Variants in MAPRE3 observed in about 807,000 individuals in gnomAD.
MAPRE3 encodes microtubule-associated protein RP/EB family member 3.
MAPRE3 carries 2 observed loss-of-function variants against 30.5 expected under a neutral mutation model. The observed-to-expected ratio is 0.07, with a 90% confidence interval of 0.03 to 0.21. The LOEUF is 0.21. Among genes scored for constraint, MAPRE3 ranks in the 10% least tolerant of loss-of-function variants. The pLI, the probability that MAPRE3 is intolerant of heterozygous loss-of-function variation, is 1.00. For synonymous variants in MAPRE3, 110 were observed against 127.7 expected (o/e 0.86, Z 0.93); for missense variants, 204 against 351.8 (o/e 0.58, Z 3.36).
intron 1 of MAPRE3, among the ~76,000 whole-genome samples, chr2:27,007,609 A>C (rs769313439): frequency 6.6e-6 from 1 of 152,216 alleles, no homozygotes; most frequent in Non-Finnish European, 1.5e-5. Context: ...GGTCATCCAC[A>C]TGTCAAACAA....
intron 1 of MAPRE3, among the ~76,000 whole-genome samples, chr2:26,979,047 G>A (rs1666066611): frequency 1.3e-5 from 2 of 152,234 alleles, no homozygotes; most frequent in Non-Finnish European, 2.9e-5. Flanking sequence ...TCAGCTATGG[G>A]AAAGGGTGCT....
intron 6 of MAPRE3, 51 bp from the exon 7 acceptor site, chr2:27,026,229 C>CCCTGCCTGG (rs750503336): frequency 1.2e-5 from 19 of 1,550,074 alleles, no homozygotes; most frequent in East Asian, 1.1e-4. Flanking sequence ...ACCTGAGAAG[C>CCCTGCCTGG]CCTGCCTGGC....
At chr2:26,994,822 TTC>T (rs1553327837) in intron 1 of MAPRE3, among the ~76,000 whole-genome samples, 57,186 of 118,470 alleles carry the variant, frequency 0.48, 14,226 homozygotes, top group East Asian at 0.67. Context: ...CTTCTTCTTC[TTC>T]TTTTTTTTTT....
At chr2:27,010,519 T>C (rs892729103) in intron 1 of MAPRE3, among the ~76,000 whole-genome samples, 1 of 147,332 alleles carries the variant, frequency 6.8e-6, no homozygotes, top group African/African-American at 2.5e-5. Context: ...ATTGGCTCAC[T>C]GCAACCTCCA....
intron 1 of MAPRE3, among the ~76,000 whole-genome samples, chr2:27,019,695 T>G (rs1249073825): frequency 6.6e-6 from 1 of 152,222 alleles, no homozygotes; most frequent in Non-Finnish European, 1.5e-5. Context: ...AATAATTCAT[T>G]TCTGTTTCTC....
chr2:27,020,104 C>T (rs1667080096), intron 1 of MAPRE3, among the ~76,000 whole-genome samples: 2 of 152,152 alleles, frequency 1.3e-5, no homozygotes, highest in Non-Finnish European at 2.9e-5. Flanking sequence ...AACCATGGAA[C>T]AGAGAATGAA....
At chr2:27,023,293 G>C (rs183248102) in intron 2 of MAPRE3, 39 bp from the exon 3 acceptor site, 3 of 1,573,298 alleles carry the variant, frequency 1.9e-6, no homozygotes, top group African/African-American at 2.7e-5. Flanking sequence ...CACAGAAGGA[G>C]AGCAGCAAGA....
chr2:26,997,670 GAATCCCTGGTAGAAAGGATAGTTTGGT>G (rs943873818), intron 1 of MAPRE3, among the ~76,000 whole-genome samples: 5 of 152,186 alleles, frequency 3.3e-5, no homozygotes, highest in African/African-American at 4.8e-5. Context: ...TGGGGGTTGG[GAATCCCTGGTAGAAAGGATAGTTTGGT>G]AATCCCTGGT....
At chr2:26,970,891 C>A (rs1432446884) in intron 1 of MAPRE3, 89 bp downstream of exon 1, 1 of 151,430 alleles carries the variant, frequency 6.6e-6, no homozygotes, top group Admixed American at 6.6e-5. Context: ...GGGCTCCCCC[C>A]GCCCCTGCCT....
At position 26,971,275 on chromosome 2, in the gene MAPRE3, C is replaced by A. The variant is rs1572737015; in HGVS notation, c.-8+473C>A. On this transcript the variant is annotated intron_variant, in intron 1 of 6. Coordinates refer to ENST00000233121, the MANE Select transcript of MAPRE3 (RefSeq NM_012326.4). ...GACTTGGGGGAGGGGGAACATCGGG[C>A]CAGGCCCAGCCTGGGGGCCTCGGGT... Among the ~76,000 whole-genome samples, 3 of 152,362 alleles carry A rather than the reference C, an allele frequency of 2.0e-5. No individual in the cohort carries two copies. The East Asian group carries it at 5.8e-4, about 29-fold the overall frequency.
chr2:26,989,658 A>C (rs920433), intron 1 of MAPRE3, among the ~76,000 whole-genome samples: 87,883 of 151,958 alleles, frequency 0.58, 25,843 homozygotes, highest in East Asian at 0.76. Flanking sequence ...AAAACTAAAA[A>C]TGAGATGGCT....
intron 1 of MAPRE3, among the ~76,000 whole-genome samples, chr2:27,017,094 A>T (rs905219907): frequency 1.3e-5 from 2 of 152,274 alleles, no homozygotes; most frequent in East Asian, 3.9e-4. Context: ...ACGAGAGGAA[A>T]ATTAAAAGGG....
chr2:27,010,650 C>A (rs951981813), intron 1 of MAPRE3, among the ~76,000 whole-genome samples: 1 of 152,022 alleles, frequency 6.6e-6, no homozygotes, highest in Non-Finnish European at 1.5e-5. Context: ...GCCATGTTGG[C>A]CAGGCTGGTC....
rs757800288 is a variant in MAPRE3 at position 27,022,215 on chromosome 2, G to A, written c.-4G>A. 6.2e-7 allele frequency: 1 copy of A among 1,613,458 alleles called. No individual in the cohort carries two copies. The highest frequency in any genetic ancestry group is 1.1e-5 in the South Asian group (1 of 91,062). The stretch of plus-strand genomic sequence containing the variant: ...CACCTTTCTTCTTGCTTTCCAGCTG[G>A]GGTATGGCCGTCAATGTGTACTCCA... On this transcript the variant is annotated 5_prime_UTR_variant, in exon 2 of 7. Coordinates refer to ENST00000233121, the MANE Select transcript of MAPRE3 (RefSeq NM_012326.4).
chr2:26,973,648 G>A (rs916012573), intron 1 of MAPRE3, among the ~76,000 whole-genome samples: 1 of 150,466 alleles, frequency 6.6e-6, no homozygotes, highest in Non-Finnish European at 1.5e-5. Flanking sequence ...TCCGCTTCCC[G>A]GGGTTCACGC....
At chr2:27,023,966 G>T in intron 3 of MAPRE3, 130 bp from the exon 4 acceptor site, 1 of 672,274 alleles carries the variant, frequency 1.5e-6, no homozygotes, top group Non-Finnish European at 2.6e-6. Flanking sequence ...GTGGGAGGGG[G>T]GCAAGTGGAG....
chr2:26,975,773 C>T (rs1666003836), intron 1 of MAPRE3, among the ~76,000 whole-genome samples: 1 of 145,170 alleles, frequency 6.9e-6, no homozygotes, highest in Non-Finnish European at 1.5e-5. Flanking sequence ...GAAGCAGCTG[C>T]CTTTACTTGG....
chr2:26,997,723 G>T (rs1367435454), intron 1 of MAPRE3, among the ~76,000 whole-genome samples: 1 of 152,170 alleles, frequency 6.6e-6, no homozygotes, highest in Non-Finnish European at 1.5e-5. Context: ...GGATAGTTTG[G>T]TAACTTAAAT....
chr2:27,007,202 T>C (rs1385329939), intron 1 of MAPRE3, among the ~76,000 whole-genome samples: 2 of 152,198 alleles, frequency 1.3e-5, no homozygotes, highest in African/African-American at 2.4e-5. Flanking sequence ...CATGTACAAA[T>C]AGGTAGAAAG....
Sources: gnomAD v4.1 joint callset for allele counts (sites outside exome capture counted in the v4.1 genomes callset) on GRCh38, gnomAD v4.1.1 for gene constraint, MANE v1.5 for transcripts, NCBI Gene and HGNC (gene_info 2026-07-23, HGNC 2026-07-21) for gene names.